TMEM168: variants seen among roughly 807,000 people sequenced by gnomAD.
TMEM168 encodes the protein transmembrane protein 168.
In TMEM168, 40 loss-of-function variants were observed where a neutral mutation model predicts 53.2. The ratio of observed to expected loss-of-function variants is 0.75; its 90% CI spans 0.58 to 0.98. The LOEUF (loss-of-function observed/expected upper bound fraction) is 0.98. Among genes scored for constraint, TMEM168 ranks in the 50% least tolerant of loss-of-function variants. The pLI is 0.00. For missense variants in TMEM168, 771 were observed against 828.8 expected, an observed-to-expected ratio of 0.93 and a Z score of 0.86; for synonymous variants, 282 against 293.0, an observed-to-expected ratio of 0.96 and a Z score of 0.38.
intron 3 of TMEM168, among the ~76,000 whole-genome samples, chr7:112,774,211 C>T (rs1261843408): frequency 6.6e-6 from 1 of 152,112 alleles, no homozygotes; most frequent in Non-Finnish European, 1.5e-5. Flanking sequence ...AATGTAGCAA[C>T]ATTTACAGAT....
intron 2 of TMEM168, 96 bp from the exon 3 acceptor site, chr7:112,775,414 T>C: frequency 1.8e-6 from 2 of 1,104,148 alleles, no homozygotes; most frequent in Non-Finnish European, 2.5e-6. Flanking sequence ...GCTTCTACTT[T>C]CAAAAAGGAT....
chr7:112,763,149 G>T lies in TMEM168; in HGVS notation c.*4048C>A, dbSNP rs1792699576. ...CTCAACTCACAAAAAGCCATTTTTT[G>T]GCAACATCAGCTATGTTTTCATTCA... On this transcript the variant is annotated 3_prime_UTR_variant, in exon 5 of 5. Coordinates refer to ENST00000312814, the MANE Select transcript of TMEM168 (RefSeq NM_022484.6). 3 of 151,924 alleles carry T rather than the reference G, an allele frequency of 2.0e-5. No individual in the cohort carries two copies. In the South Asian group the frequency reaches 6.2e-4, roughly 32 times the overall value. 9.4% of individuals were successfully genotyped at this position (151,924 alleles called of 1,614,324 possible).
intron 2 of TMEM168, among the ~76,000 whole-genome samples, chr7:112,782,298 C>T (rs1405074551): frequency 1.3e-5 from 2 of 152,076 alleles, no homozygotes; most frequent in African/African-American, 2.4e-5. Flanking sequence ...TTTTGTGTAC[C>T]TCCAGTGGTA....
chr7:112,767,227 T>C lies in TMEM168; in HGVS notation c.2064A>G (p.Thr688=), dbSNP rs752569048. 1 of 1,613,880 alleles carries C rather than the reference T, an allele frequency of 6.2e-7. No individual in the cohort carries two copies. Among genetic ancestry groups the C allele is most frequent in the South Asian group, 1.1e-5 (1 of 91,042 alleles). Residue 688 remains threonine, a synonymous_variant, in exon 5 of 5, where the codon ACA becomes ACG. Transcript: ENST00000312814. ...ATTTGACAAGTTTGAAGCCTTGTCC[T>C]GTGTCCAGCACAGTAGGAAGAAACC... is the stretch of plus-strand genomic sequence containing the variant. ...MSWFLPTVLD[T]GQGFKLVKS is the part of the protein sequence containing the mutation.
At chr7:112,768,378 GAA>G (rs1396980710) in intron 4 of TMEM168, among the ~76,000 whole-genome samples, 1 of 152,114 alleles carries the variant, frequency 6.6e-6, no homozygotes, top group Non-Finnish European at 1.5e-5. Flanking sequence ...GCCCTTTACA[GAA>G]AAAGTTTGCC....
chr7:112,767,387 A>G lies in TMEM168; in HGVS notation c.1904T>C (p.Val635Ala). Residue 635 changes from valine to alanine, a missense_variant, in exon 5 of 5, where the codon GTG becomes GCG. Val to Ala is a moderately conservative substitution (Grantham distance 64). Coordinates refer to ENST00000312814, the MANE Select transcript of TMEM168 (RefSeq NM_022484.6). ...AAAGTGTAACATCCAGTGCTTGGCC[A>G]CATCGCTTCCCGTTGGCAAATGCAG... ...YTLHLPTGSD[V>A]AKHWMLHFPR... 1 of 1,614,206 alleles carries G rather than the reference A, an allele frequency of 6.2e-7. No homozygotes were observed. Among genetic ancestry groups the G allele is most frequent in the Non-Finnish European group, 8.5e-7 (1 of 1,180,016 alleles).
rs1471113513 is a variant in TMEM168, at chr7:112,765,500, C to CT, written c.*1696dup. 1 of 152,082 alleles carries CT rather than the reference C, an allele frequency of 6.6e-6. No individual in the cohort carries two copies. The highest frequency in any genetic ancestry group is 2.4e-5 in the African/African-American group (1 of 41,428). The allele number at this position is 152,082 out of a possible 1,614,324, so 9.4% of individuals were successfully genotyped here. ...AAAAGGAGATTTTACTTAACATTAACTTTTTTTAAGCTAAAAGCTCATAAT... is the reference window on the plus strand; with the variant it reads ...AAAAGGAGATTTTACTTAACATTAACTTTTTTTTAAGCTAAAAGCTCATAAT... On this transcript the variant is annotated 3_prime_UTR_variant, in exon 5 of 5. Coordinates refer to ENST00000312814, the MANE Select transcript of TMEM168 (RefSeq NM_022484.6).
intron 2 of TMEM168, among the ~76,000 whole-genome samples, chr7:112,780,318 C>T (rs923328371): frequency 6.6e-6 from 1 of 152,160 alleles, no homozygotes; most frequent in African/African-American, 2.4e-5. Flanking sequence ...GAAATGCTTT[C>T]CACATGACCC....
rs1205404990 is a variant in TMEM168, at chr7:112,762,622, G to A, written c.*4575C>T. On this transcript the variant is annotated 3_prime_UTR_variant, in exon 5 of 5. Coordinates refer to ENST00000312814, the MANE Select transcript of TMEM168 (RefSeq NM_022484.6). Reference sequence around the variant, plus strand: ...AGTTCAAACTTATAAAATATTATGAGGTCATCATACAAGATGACTGGTCAA... The same window carrying A: ...AGTTCAAACTTATAAAATATTATGAAGTCATCATACAAGATGACTGGTCAA... 6.6e-6 allele frequency: 1 copy of A among 151,840 alleles called. No individual in the cohort carries two copies. Among genetic ancestry groups the A allele is most frequent in the African/African-American group, 2.4e-5 (1 of 41,378 alleles). The allele number at this position is 151,840 out of a possible 1,614,324, so 9.4% of individuals were successfully genotyped here.
intron 4 of TMEM168, among the ~76,000 whole-genome samples, chr7:112,769,586 A>G (rs1404471371): frequency 2.0e-5 from 3 of 152,124 alleles, no homozygotes; most frequent in Non-Finnish European, 2.9e-5. Flanking sequence ...AAAGCTTTCT[A>G]AACAATTTCT....
Position 112,764,197 on chromosome 7 carries a change from T to C in TMEM168, c.*3000A>G, listed in dbSNP as rs1792718068. 1 of 151,818 alleles carries C rather than the reference T, an allele frequency of 6.6e-6. No homozygotes were observed. Among genetic ancestry groups the C allele is most frequent in the African/African-American group, 2.4e-5 (1 of 41,400 alleles). 9.4% of individuals were successfully genotyped at this position (151,818 alleles called of 1,614,324 possible). A position where few individuals can be genotyped will look rare whatever the true frequency, so the allele number is the denominator to read the frequency against. On this transcript the variant is annotated 3_prime_UTR_variant, in exon 5 of 5. Coordinates refer to ENST00000312814, the MANE Select transcript of TMEM168 (RefSeq NM_022484.6). ...TAAATTCATACTGTTTTTTTTATTC[T>C]ATTGAAAAAAAAGATGATGTTTTTA...
In TMEM168 at chr7:112,784,253, A is replaced by T. The variant is rs773900912; in HGVS notation, c.573T>A (p.Ile191=). The change falls in exon 2 of 5, where the codon ATT becomes ATA. Residue 191 remains isoleucine, a synonymous_variant. Coordinates refer to ENST00000312814, the MANE Select transcript of TMEM168 (RefSeq NM_022484.6). The part of the protein sequence containing the change: ...ILLVVALAML[I]IDLRMKSFLA... ...AGAAAGATTTCATTCTCAGATCAAT[A>T]ATCAGCATAGCCAGAGCTACAACAA... The T allele has an allele frequency of 5.0e-6, 8 of 1,613,918 alleles. No homozygotes were observed. Among genetic ancestry groups the T allele is most frequent in the Non-Finnish European group, 6.8e-6 (8 of 1,179,976 alleles).
intron 3 of TMEM168, among the ~76,000 whole-genome samples, chr7:112,774,937 G>C (rs1562863681): frequency 6.6e-6 from 1 of 151,976 alleles, no homozygotes; most frequent in Non-Finnish European, 1.5e-5. Flanking sequence ...CCTTAGAAAA[G>C]TTATTCATGA....
intron 2 of TMEM168, among the ~76,000 whole-genome samples, chr7:112,779,847 G>A (rs1336083635): frequency 6.6e-6 from 1 of 152,004 alleles, no homozygotes; most frequent in African/African-American, 2.4e-5. Context: ...AAACATATAC[G>A]GCTTGTTTGT....
intron 4 of TMEM168, among the ~76,000 whole-genome samples, chr7:112,772,225 T>C (rs1448437642): frequency 6.6e-6 from 1 of 152,210 alleles, no homozygotes; most frequent in Non-Finnish European, 1.5e-5. Context: ...TAAAACTCAA[T>C]GGTCATTTAC....
In TMEM168 at chr7:112,773,149, TTGC is replaced by T. The variant is rs1792975829; in HGVS notation, c.1272-97_1272-95del. On this transcript the variant is annotated intron_variant, in intron 3 of 4. Transcript: ENST00000312814. ...TATCTAAGAATCAGTTATAATATAGTTGCTGCTAAGTGGCAGGATTTTTGTAAA... is the reference window on the plus strand; with the variant it reads ...TATCTAAGAATCAGTTATAATATAGTTGCTAAGTGGCAGGATTTTTGTAAA... The T allele has an allele frequency of 8.2e-6, 11 of 1,335,472 alleles. No individual in the cohort carries two copies. The South Asian group carries it at 1.6e-4, about 19-fold the overall frequency. 82.7% of individuals were successfully genotyped at this position (1,335,472 alleles called of 1,614,324 possible).
rs2116303307 is a variant in TMEM168, at chr7:112,784,750, C to T, written c.76G>A (p.Glu26Lys). The T allele has an allele frequency of 2.5e-6, 4 of 1,612,042 alleles. No homozygotes were observed. The highest frequency in any genetic ancestry group is 3.4e-6 in the Non-Finnish European group (4 of 1,179,546). ...CGCACTGAAGAATGCATGTTCACTT[C>T]TCTATTTACTTCTTCCAGTCTTGTC... Reference protein sequence around the residue: ...AMTRLEEVNREVNMHSSVRYL... With the variant: ...AMTRLEEVNRKVNMHSSVRYL... Residue 26 changes from glutamate (E) to lysine (K), a missense_variant, in exon 2 of 5, where the codon GAA becomes AAA. Physicochemically the swap from Glu to Lys is moderately conservative, Grantham distance 56. Transcript: ENST00000312814.
chr7:112,775,267 A>G lies in TMEM168; in HGVS notation c.1180T>C (p.Ser394Pro). 6.2e-7 allele frequency: 1 copy of G among 1,613,756 alleles called. No individual in the cohort carries two copies. The highest frequency in any genetic ancestry group is 8.5e-7 in the Non-Finnish European group (1 of 1,179,832). Reference protein sequence around the residue: ...SMFLIVLPLESMAHGLFHELG... With the variant: ...SMFLIVLPLEPMAHGLFHELG... Reference sequence around the variant, plus strand: ...TCATGGAAGAGCCCATGAGCCATGGATTCCAATGGCAAAACGATTAGAAAC... The same window carrying G: ...TCATGGAAGAGCCCATGAGCCATGGGTTCCAATGGCAAAACGATTAGAAAC... Residue 394 changes from serine to proline, a missense_variant, in exon 3 of 5, where the codon TCC becomes CCC. Physicochemically the swap from Ser to Pro is moderately conservative, Grantham distance 74. Coordinates refer to ENST00000312814, the MANE Select transcript of TMEM168 (RefSeq NM_022484.6).
intron 2 of TMEM168, among the ~76,000 whole-genome samples, chr7:112,778,865 T>G (rs1018104045): frequency 7.9e-5 from 12 of 152,264 alleles, no homozygotes; most frequent in African/African-American, 2.6e-4. Context: ...ACTACTTGCT[T>G]TTTATATTAA....
Sources: gnomAD v4.1 joint callset for allele counts (sites outside exome capture counted in the v4.1 genomes callset) on GRCh38, gnomAD v4.1.1 for gene constraint, MANE v1.5 for transcripts, NCBI Gene and HGNC (gene_info 2026-07-23, HGNC 2026-07-21) for gene names.